Variants in RTF2 observed in about 807,000 individuals in gnomAD.
RTF2 encodes UPF0549 protein C20orf43.
In RTF2, 18 loss-of-function variants were observed where a neutral mutation model predicts 38.0. That is an observed-to-expected ratio of 0.47 (90% CI 0.33 to 0.70). The LOEUF (loss-of-function observed/expected upper bound fraction) is 0.70. RTF2 is among the 30% of genes least tolerant of loss of function. RTF2 has a pLI of 0.02. For synonymous variants in RTF2, 126 were observed against 137.1 expected (o/e 0.92, Z 0.57); for missense variants, 311 against 379.6 (o/e 0.82, Z 1.50).
At chr20:56,486,929 G>T (rs143865249) in intron 5 of RTF2, among the ~76,000 whole-genome samples, 162 of 152,228 alleles carry the variant, frequency 1.1e-3, no homozygotes, top group Non-Finnish European at 1.8e-3. Flanking sequence ...GTGGGGTGGG[G>T]TACAGGAGCA....
intron 5 of RTF2, among the ~76,000 whole-genome samples, chr20:56,493,913 C>T (rs1983338493): frequency 6.6e-6 from 1 of 152,182 alleles, no homozygotes; most frequent in African/African-American, 2.4e-5. Context: ...CAGAGTCGGA[C>T]TGGGAGCTTG....
chr20:56,500,681 C>T (rs1983870495), intron 5 of RTF2, among the ~76,000 whole-genome samples: 1 of 152,214 alleles, frequency 6.6e-6, no homozygotes, highest in Non-Finnish European at 1.5e-5. Flanking sequence ...TAAATCTTCC[C>T]TCTGGCTTAG....
At chr20:56,495,504 C>G (rs1347397576) in intron 5 of RTF2, among the ~76,000 whole-genome samples, 2 of 152,180 alleles carry the variant, frequency 1.3e-5, no homozygotes, top group Non-Finnish European at 2.9e-5. Flanking sequence ...ATGTACTACG[C>G]TGGCAGTAGC....
chr20:56,495,076 G>A, intron 5 of RTF2: 2 of 685,178 alleles, frequency 2.9e-6, no homozygotes, highest in Non-Finnish European at 5.0e-6. Context: ...ATACTAATTG[G>A]ATCATCACTA....
intron 5 of RTF2, among the ~76,000 whole-genome samples, chr20:56,489,221 A>ATTTTTTT (rs11481363): frequency 7.3e-6 from 1 of 136,748 alleles, no homozygotes; most frequent in Non-Finnish European, 1.6e-5. Flanking sequence ...ATGCCTGGTT[A>ATTTTTTT]TTTTTTTTTT....
intron 5 of RTF2, among the ~76,000 whole-genome samples, chr20:56,488,700 A>C (rs1982922013): frequency 6.6e-6 from 1 of 152,254 alleles, no homozygotes; most frequent in Non-Finnish European, 1.5e-5. Context: ...GAATCAGATA[A>C]GACACAGCAT....
At position 56,518,215 on chromosome 20, in the gene RTF2, T is replaced by C. The variant is rs1246339170; in HGVS notation, c.871T>C (p.Ser291Pro). The C allele has an allele frequency of 6.2e-7, 1 of 1,614,048 alleles. No homozygotes were observed. The change falls in exon 9 of 9, where the codon TCC becomes CCC. Residue 291 changes from serine (S) to proline (P), a missense_variant. Ser to Pro is a moderately conservative substitution (Grantham distance 74, BLOSUM62 -1). Transcript: ENST00000357348. ...LFTTHSSAKR[S>P]KEESAHWVTH... The stretch of plus-strand genomic sequence containing the variant: ...TACCACTCACAGCTCCGCCAAGCGC[T>C]CCAAGGAGGAGTCTGCCCACTGGGT...
In RTF2 at chr20:56,504,728, T is replaced by A. The variant is rs184084006; in HGVS notation, c.478-8587T>A. Among the ~76,000 whole-genome samples, 4 of 152,342 alleles carry A rather than the reference T, an allele frequency of 2.6e-5. No individual in the cohort carries two copies. In the East Asian group the frequency reaches 7.7e-4, roughly 29 times the overall value. On this transcript the variant is annotated intron_variant, in intron 5 of 8. Coordinates refer to ENST00000357348, the MANE Select transcript of RTF2 (RefSeq NM_016407.5). ...AAAGGTTCTCTGCTTGCTGGTACTC[T>A]CTGCAGGCTTGCCACAGACAGCTCT...
chr20:56,495,668 G>A lies in RTF2; in HGVS notation c.477+11479G>A, dbSNP rs544306383. On this transcript the variant is annotated intron_variant, in intron 5 of 8. Coordinates refer to ENST00000357348, the MANE Select transcript of RTF2 (RefSeq NM_016407.5). ...GATTGTTTTCTCTGTAACAGCCCTC[G>A]GAGATTATTTGAAAATCAAACTTGC... is the stretch of plus-strand genomic sequence containing the variant. Among the ~76,000 whole-genome samples the A allele has an allele frequency of 1.2e-4, 18 of 152,100 alleles. 1 individual carries two copies. The highest frequency in any genetic ancestry group is 7.9e-4 in the Admixed American group (12 of 15,274).
At chr20:56,506,992 G>A (rs978925396) in intron 5 of RTF2, among the ~76,000 whole-genome samples, 1 of 152,028 alleles carries the variant, frequency 6.6e-6, no homozygotes, top group Admixed American at 6.5e-5. Flanking sequence ...GAGCCACCGC[G>A]CCTGGCCGTA....
intron 5 of RTF2, among the ~76,000 whole-genome samples, chr20:56,500,450 A>C (rs1159977677): frequency 6.6e-6 from 1 of 152,174 alleles, no homozygotes; most frequent in African/African-American, 2.4e-5. Flanking sequence ...ACCCCATGTA[A>C]ATTTGGCTGT....
intron 5 of RTF2, among the ~76,000 whole-genome samples, chr20:56,485,564 C>T (rs561591939): frequency 4.6e-5 from 7 of 152,138 alleles, no homozygotes; most frequent in South Asian, 2.1e-4. Context: ...TACCTAGGCC[C>T]GGAGGCAGGC....
chr20:56,509,676 C>A (rs955348918), intron 5 of RTF2, among the ~76,000 whole-genome samples: 10 of 151,594 alleles, frequency 6.6e-5, no homozygotes, highest in African/African-American at 2.2e-4. Flanking sequence ...TGAGAATCCT[C>A]AGGCATTGCT....
At position 56,503,268 on chromosome 20, in the gene RTF2, G is replaced by A. The variant is rs967661582; in HGVS notation, c.478-10047G>A. 8.5e-5 allele frequency among the ~76,000 whole-genome samples: 13 copies of A among 152,204 alleles called. 1 individual carries two copies. The highest frequency in any genetic ancestry group is 2.9e-5 in the Non-Finnish European group (2 of 68,034). On this transcript the variant is annotated intron_variant, in intron 5 of 8. Transcript: ENST00000357348. Reference sequence around the variant, plus strand: ...TTTTGAATTCAAAAGCTGTCTAACTGTCCAGTGAAATGGATGCCTTTCACA... The same window carrying A: ...TTTTGAATTCAAAAGCTGTCTAACTATCCAGTGAAATGGATGCCTTTCACA...
chr20:56,501,098 T>A (rs1600820821), intron 5 of RTF2, among the ~76,000 whole-genome samples: 1 of 152,334 alleles, frequency 6.6e-6, no homozygotes, highest in East Asian at 1.9e-4. Context: ...GGCCCTCTAT[T>A]GTAAATGTAG....
chr20:56,488,985 C>T (rs897551729), intron 5 of RTF2, among the ~76,000 whole-genome samples: 30 of 152,194 alleles, frequency 2.0e-4, no homozygotes, highest in African/African-American at 7.0e-4. Context: ...TCCACTGAAG[C>T]CCAGTCTCAG....
chr20:56,513,224 G>T lies in RTF2; in HGVS notation c.478-91G>T, dbSNP rs551800202. On this transcript the variant is annotated intron_variant, in intron 5 of 8. Transcript: ENST00000357348. ...ATAGGAATTTACTCGGAGCCTGGGGGCCACTGCTTGGGGCTGAGAGTGGGG... is the reference window on the plus strand; with the variant it reads ...ATAGGAATTTACTCGGAGCCTGGGGTCCACTGCTTGGGGCTGAGAGTGGGG... 25 of 1,493,518 alleles carry T rather than the reference G, an allele frequency of 1.7e-5. No homozygotes were observed. In the South Asian group the frequency reaches 2.9e-4, roughly 17 times the overall value. 92.5% of individuals were successfully genotyped at this position (1,493,518 alleles called of 1,614,324 possible). A position where few individuals can be genotyped will look rare whatever the true frequency, so the allele number is the denominator to read the frequency against.
At chr20:56,496,564 T>G (rs6014752) in intron 5 of RTF2, 525,756 of 1,403,678 alleles carry the variant, frequency 0.37, 106,874 homozygotes, top group East Asian at 0.94. Flanking sequence ...AGTCAGTCAA[T>G]CAATCAATCA....
chr20:56,491,378 C>T, intron 5 of RTF2: 1 of 590,686 alleles, frequency 1.7e-6, no homozygotes, highest in Non-Finnish European at 3.0e-6. Flanking sequence ...CTTGTGATTT[C>T]TTTCCCAAAG....
Sources: gnomAD v4.1 joint callset for allele counts (sites outside exome capture counted in the v4.1 genomes callset) on GRCh38, gnomAD v4.1.1 for gene constraint, MANE v1.5 for transcripts, NCBI Gene and HGNC (gene_info 2026-07-23, HGNC 2026-07-21) for gene names.